Variants in LRRTM3 observed in about 807,000 individuals in gnomAD.
LRRTM3 encodes the protein leucine-rich repeat transmembrane neuronal protein 3.
In LRRTM3, 24 loss-of-function variants were observed where a neutral mutation model predicts 44.7. The ratio of observed to expected loss-of-function variants is 0.54; its 90% confidence interval spans 0.39 to 0.76. The LOEUF (loss-of-function observed/expected upper bound fraction) is 0.76. Among genes scored for constraint, LRRTM3 ranks in the 30% least tolerant of loss-of-function variants. The pLI is 0.00. For synonymous variants in LRRTM3, 277 were observed against 278.7 expected (o/e 0.99, Z 0.06); for missense variants, 587 against 702.2 (o/e 0.84, Z 1.85).
At chr10:67,031,690 G>C (rs1348929683) in intron 2 of LRRTM3, among the ~76,000 whole-genome samples, 1 of 152,062 alleles carries the variant, frequency 6.6e-6, no homozygotes, top group Non-Finnish European at 1.5e-5. Flanking sequence ...ATTGAAATAC[G>C]CACTTTGAGT....
intron 2 of LRRTM3, among the ~76,000 whole-genome samples, chr10:66,935,574 A>G (rs894257343): frequency 6.6e-6 from 1 of 152,016 alleles, no homozygotes; most frequent in Non-Finnish European, 1.5e-5. Flanking sequence ...ATGGCAGAGG[A>G]CATATTACAT....
At chr10:67,027,436 C>CT (rs5785811) in intron 2 of LRRTM3, among the ~76,000 whole-genome samples, 3,716 of 134,304 alleles carry the variant, frequency 0.028, 128 homozygotes, top group African/African-American at 0.055. Context: ...TCTTTCATGA[C>CT]TTTTTTTTTT....
intron 2 of LRRTM3, among the ~76,000 whole-genome samples, chr10:66,969,362 C>G (rs556271314): frequency 6.6e-6 from 1 of 151,956 alleles, no homozygotes; most frequent in African/African-American, 2.4e-5. Flanking sequence ...GTTTTAATGG[C>G]CTCATATCGT....
In LRRTM3 at chr10:66,949,135, T is replaced by C. The variant is rs73331648; in HGVS notation, c.1536+20683T>C. 7.5e-3 allele frequency among the ~76,000 whole-genome samples: 1,143 copies of C among 152,310 alleles called. 16 individuals carry two copies. Among genetic ancestry groups the C allele is most frequent in the African/African-American group, 0.026 (1,090 of 41,574 alleles). ...AGTATTCAATGGAGCCATTCAGCAA[T>C]ATGAAAGAATGCAGGCAAATTTCTA... is the stretch of plus-strand genomic sequence containing the variant. On this transcript the variant is annotated intron_variant, in intron 2 of 2. Transcript: ENST00000361320.
rs1032258319 is a variant in LRRTM3, at chr10:67,046,120, A to C, written c.1537-51467A>C. Among the ~76,000 whole-genome samples the C allele has an allele frequency of 1.2e-3, 176 of 152,252 alleles. 1 individual carries two copies. The highest frequency in any genetic ancestry group is 4.1e-3 in the African/African-American group (169 of 41,544). On this transcript the variant is annotated intron_variant, in intron 2 of 2. Coordinates refer to ENST00000361320, the MANE Select transcript of LRRTM3 (RefSeq NM_178011.5). ...TCACAGGGCTAATCCCAGAAAAGGCAGTCTGGACTCGGTTATCCACATAAC... is the reference window on the plus strand; with the variant it reads ...TCACAGGGCTAATCCCAGAAAAGGCCGTCTGGACTCGGTTATCCACATAAC...
intron 2 of LRRTM3, among the ~76,000 whole-genome samples, chr10:67,031,581 T>A (rs1172207797): frequency 6.6e-6 from 1 of 152,184 alleles, no homozygotes; most frequent in Non-Finnish European, 1.5e-5. Context: ...GAGGACATAA[T>A]GTAACAGCAC....
chr10:67,048,664 C>T (rs938923482), intron 2 of LRRTM3, among the ~76,000 whole-genome samples: 6 of 152,046 alleles, frequency 3.9e-5, no homozygotes, highest in Admixed American at 2.0e-4. Flanking sequence ...AACCCTATGA[C>T]GCACTACATA....
intron 2 of LRRTM3, among the ~76,000 whole-genome samples, chr10:66,933,047 C>T (rs553436717): frequency 2.6e-5 from 4 of 152,094 alleles, no homozygotes; most frequent in Admixed American, 1.3e-4. Context: ...ATTGGGAGGA[C>T]GAAATGTGAA....
In LRRTM3 at chr10:67,098,109, C is replaced by A. The variant is rs1858126564; in HGVS notation, c.*313C>A. 3.1e-6 allele frequency: 1 copy of A among 322,678 alleles called. No individual in the cohort carries two copies. The highest frequency in any genetic ancestry group is 4.6e-5 in the Admixed American group (1 of 21,892). The allele number at this position is 322,678 out of a possible 1,614,324, so 20.0% of individuals were successfully genotyped here. A position where few individuals can be genotyped will look rare whatever the true frequency, so the allele number is the denominator to read the frequency against. ...AACTGTACAAAGCTAATGTATTTTT[C>A]ATATTGTAAAGTTTCAATTGTAGAA... On this transcript the variant is annotated 3_prime_UTR_variant, in exon 3 of 3. Coordinates refer to ENST00000361320, the MANE Select transcript of LRRTM3 (RefSeq NM_178011.5).
rs117127149 is a variant in LRRTM3 at position 67,043,831 on chromosome 10, G to A, written c.1537-53756G>A. On this transcript the variant is annotated intron_variant, in intron 2 of 2. Transcript: ENST00000361320. ...GCACAGGATAATTATGATACAGTGA[G>A]GACTACTTTTTTTTCTGTTTACTTC... Among the ~76,000 whole-genome samples the A allele has an allele frequency of 3.9e-5, 6 of 152,000 alleles. No homozygotes were observed. The East Asian group carries it at 1.2e-3, about 29-fold the overall frequency.
chr10:66,954,491 C>A (rs1291127064), intron 2 of LRRTM3, among the ~76,000 whole-genome samples: 1 of 152,164 alleles, frequency 6.6e-6, no homozygotes, highest in Middle Eastern at 3.4e-3. Flanking sequence ...CTACACGGTC[C>A]CGCAATGGAT....
At chr10:66,982,789 T>A (rs1470379634) in intron 2 of LRRTM3, among the ~76,000 whole-genome samples, 1 of 152,118 alleles carries the variant, frequency 6.6e-6, no homozygotes, top group Non-Finnish European at 1.5e-5. Context: ...AATACAGGTA[T>A]GAATGGAGTC....
rs1479186206 is a variant in LRRTM3, at chr10:66,927,171, C to T, written c.255C>T (p.Asn85=). ...AGTATAATCAATTTAAAGGGCTCAACCAGCTCACCTGGCTATACCTTGACC... is the reference window on the plus strand; with the variant it reads ...AGTATAATCAATTTAAAGGGCTCAATCAGCTCACCTGGCTATACCTTGACC... ...KLKYNQFKGL[N]QLTWLYLDHN... is the part of the protein sequence containing the mutation. Residue 85 remains asparagine (N), a synonymous_variant, in exon 2 of 3, where the codon AAC becomes AAT. Coordinates refer to ENST00000361320, the MANE Select transcript of LRRTM3 (RefSeq NM_178011.5). This position sits in a 1 kb window ranked among gnomAD's most constrained non-coding sequence, Gnocchi z 4.7. 1 of 1,614,130 alleles carries T rather than the reference C, an allele frequency of 6.2e-7. No individual in the cohort carries two copies. Among genetic ancestry groups the T allele is most frequent in the Non-Finnish European group, 8.5e-7 (1 of 1,180,020 alleles).
At chr10:67,046,392 C>T (rs1297139582) in intron 2 of LRRTM3, among the ~76,000 whole-genome samples, 1 of 152,170 alleles carries the variant, frequency 6.6e-6, no homozygotes, top group Non-Finnish European at 1.5e-5. Flanking sequence ...GTTATCTCTA[C>T]CAGAGTAACT....
At position 66,926,260 on chromosome 10, in the gene LRRTM3, A is replaced by G; in HGVS notation, c.-324A>G. 1 of 509,876 alleles carries G rather than the reference A, an allele frequency of 2.0e-6. No homozygotes were observed. The highest frequency in any genetic ancestry group is 3.6e-6 in the Non-Finnish European group (1 of 279,712). 31.6% of individuals were successfully genotyped at this position (509,876 alleles called of 1,614,324 possible). Reference sequence around the variant, plus strand: ...TCGATAAGAAGAAATTGTAGGATCCAGTTTTTTTTTTAACCGCCCCCTCCC... The same window carrying G: ...TCGATAAGAAGAAATTGTAGGATCCGGTTTTTTTTTTAACCGCCCCCTCCC... On this transcript the variant is annotated 5_prime_UTR_variant, in exon 1 of 3. Transcript: ENST00000361320.
In LRRTM3 at chr10:67,052,345, TCTC is replaced by T. The variant is rs1564857025; in HGVS notation, c.1537-45241_1537-45239del. Reference sequence around the variant, plus strand: ...CTCTCTCTCTCTCTCTCTCTCTCTCTCTCTCTCTCATTAAAAGCACTAAGCGGC... The same window carrying T: ...CTCTCTCTCTCTCTCTCTCTCTCTCTTCTCTCATTAAAAGCACTAAGCGGC... On this transcript the variant is annotated intron_variant, in intron 2 of 2. Transcript: ENST00000361320. 3.3e-3 allele frequency among the ~76,000 whole-genome samples: 449 copies of T among 135,314 alleles called. 3 individuals carry two copies. The highest frequency in any genetic ancestry group is 6.0e-3 in the African/African-American group (240 of 40,068). The allele number at this position is 135,314 out of a possible 152,430, so 88.8% of individuals were successfully genotyped here.
At chr10:67,049,727 C>T (rs950466876) in intron 2 of LRRTM3, among the ~76,000 whole-genome samples, 4 of 152,224 alleles carry the variant, frequency 2.6e-5, no homozygotes, top group East Asian at 1.9e-4. Context: ...ACTGCCTATT[C>T]GGCCTCAGTC....
At chr10:67,026,867 T>C (rs1853423775) in intron 2 of LRRTM3, among the ~76,000 whole-genome samples, 1 of 152,210 alleles carries the variant, frequency 6.6e-6, no homozygotes, top group South Asian at 2.1e-4. Flanking sequence ...CTTATTTTCC[T>C]CATATATCTC....
intron 2 of LRRTM3, among the ~76,000 whole-genome samples, chr10:67,062,332 T>G (rs1451486883): frequency 1.3e-5 from 2 of 152,198 alleles, no homozygotes; most frequent in Non-Finnish European, 2.9e-5. Flanking sequence ...TCTTCTCTTC[T>G]GTACATGCCA....
Sources: gnomAD v4.1 joint callset for allele counts (sites outside exome capture counted in the v4.1 genomes callset) on GRCh38, gnomAD v4.1.1 for gene constraint, Gnocchi (gnomAD v3.1) non-coding constraint, MANE v1.5 for transcripts, NCBI Gene and HGNC (gene_info 2026-07-23, HGNC 2026-07-21) for gene names.